NKAIN3: variants seen among roughly 807,000 people sequenced by gnomAD.
NKAIN3 encodes sodium/potassium-transporting ATPase subunit beta-1-interacting protein 3.
NKAIN3 carries 25 observed loss-of-function variants against 30.2 expected under a neutral mutation model. That is an observed-to-expected ratio of 0.83 (90% confidence interval 0.60 to 1.16). NKAIN3 has a LOEUF of 1.16. NKAIN3 is among the 50% of genes most tolerant of loss of function. The pLI is 0.00. For missense variants in NKAIN3, 225 were observed against 254.1 expected, an observed-to-expected ratio of 0.89 and a Z score of 0.78; for synonymous variants, 91 against 89.6, an observed-to-expected ratio of 1.02 and a Z score of -0.09.
chr8:62,537,051 C>T (rs759085416), intron 1 of NKAIN3, among the ~76,000 whole-genome samples: 3 of 152,134 alleles, frequency 2.0e-5, no homozygotes, highest in Admixed American at 6.5e-5. Flanking sequence ...CCCTATAGCA[C>T]TTCAGGAAAA....
intron 3 of NKAIN3, among the ~76,000 whole-genome samples, chr8:62,688,751 C>G (rs1030112799): frequency 2.0e-5 from 3 of 151,842 alleles, no homozygotes; most frequent in African/African-American, 7.3e-5. Flanking sequence ...GACACACACA[C>G]ACACACACAC....
chr8:62,902,759 T>C (rs1374648917), intron 4 of NKAIN3, among the ~76,000 whole-genome samples: 1 of 152,178 alleles, frequency 6.6e-6, no homozygotes, highest in African/African-American at 2.4e-5. Flanking sequence ...AATGATCCTA[T>C]CAAACTAGCC....
At chr8:62,605,724 A>G (rs879040518) in intron 3 of NKAIN3, among the ~76,000 whole-genome samples, 2 of 152,144 alleles carry the variant, frequency 1.3e-5, no homozygotes, top group Admixed American at 6.6e-5. Flanking sequence ...TACAAAGTAT[A>G]TGGAGGGTGT....
Position 62,766,430 on chromosome 8 carries a change from T to C in NKAIN3, c.471+19301T>C, listed in dbSNP as rs560099035. On this transcript the variant is annotated intron_variant, in intron 4 of 6. Coordinates refer to ENST00000623646, the MANE Select transcript of NKAIN3 (RefSeq NM_001304533.3). ...CCAGGTGTCTGCTAAACACCCCCTC[T>C]GTATTTTGATTCTCTGATAAAGATT... Among the ~76,000 whole-genome samples the C allele has an allele frequency of 2.0e-5, 3 of 152,294 alleles. No homozygotes were observed. The East Asian group carries it at 5.8e-4, about 29-fold the overall frequency.
chr8:62,296,792 A>C (rs59017357), intron 1 of NKAIN3, among the ~76,000 whole-genome samples: 9,482 of 152,176 alleles, frequency 0.062, 986 homozygotes, highest in African/African-American at 0.21. Flanking sequence ...TTGCAGATCC[A>C]TGCAGCCAGT....
chr8:62,949,808 C>G lies in NKAIN3; in HGVS notation c.533-4094C>G, dbSNP rs186321697. 8.9e-4 allele frequency among the ~76,000 whole-genome samples: 136 copies of G among 152,210 alleles called. 1 individual carries two copies. In the Middle Eastern group the frequency reaches 0.02, roughly 23 times the overall value. On this transcript the variant is annotated intron_variant, in intron 5 of 6. Coordinates refer to ENST00000623646, the MANE Select transcript of NKAIN3 (RefSeq NM_001304533.3). ...ACTCAATTTCACTGTACTGCAGGCT[C>G]CCAGCAAGCTGTGCCCTGATGCTTC... is the stretch of plus-strand genomic sequence containing the variant.
intron 1 of NKAIN3, among the ~76,000 whole-genome samples, chr8:62,381,966 A>G (rs1224017519): frequency 1.3e-5 from 2 of 152,160 alleles, no homozygotes; most frequent in African/African-American, 4.8e-5. Context: ...CTACTAAAGT[A>G]ATGCCCTCTG....
intron 1 of NKAIN3, among the ~76,000 whole-genome samples, chr8:62,564,348 C>T (rs1369175363): frequency 2.6e-5 from 4 of 152,104 alleles, no homozygotes; most frequent in Non-Finnish European, 5.9e-5. Context: ...AGAGTCCCAC[C>T]CTCACCCCCA....
intron 3 of NKAIN3, among the ~76,000 whole-genome samples, chr8:62,733,729 A>C (rs1200729303): frequency 6.6e-6 from 1 of 152,116 alleles, no homozygotes; most frequent in Non-Finnish European, 1.5e-5. Context: ...TGTGTATCAA[A>C]CCTTCTCATT....
chr8:62,993,874 G>C (rs1200330355), intron 5 of NKAIN3, among the ~76,000 whole-genome samples: 1 of 152,144 alleles, frequency 6.6e-6, no homozygotes, highest in African/African-American at 2.4e-5. Context: ...CCCTGTAAAA[G>C]CAAGTTGAGA....
chr8:62,269,326 G>A (rs1416690458), intron 1 of NKAIN3, among the ~76,000 whole-genome samples: 1 of 152,100 alleles, frequency 6.6e-6, no homozygotes, highest in Non-Finnish European at 1.5e-5. Flanking sequence ...ACACTTCTTT[G>A]CAACACAGCT....
chr8:62,984,922 A>G (rs1824172642), downstream of NKAIN3: 1 of 152,218 alleles, frequency 6.6e-6, no homozygotes, highest in Non-Finnish European at 1.5e-5. Context: ...ACTGTTTTTA[A>G]TACATTTTCT....
intron 3 of NKAIN3, among the ~76,000 whole-genome samples, chr8:62,649,610 G>A (rs377762254): frequency 6.6e-6 from 1 of 152,276 alleles, no homozygotes; most frequent in East Asian, 1.9e-4. Context: ...AGTAAGGATG[G>A]TGTCAGCTGA....
chr8:62,660,586 T>C (rs1812915303), intron 3 of NKAIN3, among the ~76,000 whole-genome samples: 1 of 152,062 alleles, frequency 6.6e-6, no homozygotes, highest in South Asian at 2.1e-4. Context: ...GTTAGTGAAA[T>C]GATTAAAGGT....
At chr8:62,820,164 T>C (rs2130729565) in intron 4 of NKAIN3, among the ~76,000 whole-genome samples, 1 of 152,256 alleles carries the variant, frequency 6.6e-6, no homozygotes, top group Admixed American at 6.5e-5. Flanking sequence ...AGGCAAGAGA[T>C]AACCAATGCA....
intron 5 of NKAIN3, among the ~76,000 whole-genome samples, chr8:62,943,706 T>A: frequency 6.7e-6 from 1 of 149,380 alleles, no homozygotes; most frequent in South Asian, 2.1e-4. Context: ...TGTGTATATA[T>A]ATAAAGAAAA....
chr8:62,319,620 G>A (rs1277848400), intron 1 of NKAIN3, among the ~76,000 whole-genome samples: 5 of 152,274 alleles, frequency 3.3e-5, no homozygotes, highest in East Asian at 1.9e-4. Flanking sequence ...AGGTTGTTCA[G>A]TTTCCATGTA....
chr8:62,455,358 T>A (rs764823122), intron 1 of NKAIN3, among the ~76,000 whole-genome samples: 1 of 152,204 alleles, frequency 6.6e-6, no homozygotes, highest in Non-Finnish European at 1.5e-5. Flanking sequence ...CAAAATCATG[T>A]CCTTTGCAGC....
intron 5 of NKAIN3, among the ~76,000 whole-genome samples, chr8:62,931,311 ATCAC>A (rs760599227): frequency 2.6e-5 from 4 of 152,366 alleles, no homozygotes; most frequent in Non-Finnish European, 2.9e-5. Context: ...TATAAAATCA[ATCAC>A]TCAATTAAAA....
Sources: allele counts gnomAD v4.1 joint callset (sites outside exome capture counted in the v4.1 genomes callset), GRCh38; gene constraint gnomAD v4.1.1; transcripts MANE v1.5; gene names NCBI Gene and HGNC (gene_info 2026-07-23, HGNC 2026-07-21).